The following CNTNAP2 variants were observed in gnomAD, a reference collection of about 807,000 sequenced individuals.
CNTNAP2 encodes the protein contactin-associated protein-like 2.
CNTNAP2 carries 98 observed loss-of-function variants against 155.2 expected under a neutral mutation model. That is an observed-to-expected ratio of 0.63 (90% confidence interval 0.54 to 0.75). The LOEUF (loss-of-function observed/expected upper bound fraction) is 0.75, where lower values mean the gene tolerates loss of function less well. Ranked by LOEUF, CNTNAP2 falls within the 30% of genes least tolerant of loss-of-function variation. The pLI is 0.00. For synonymous variants in CNTNAP2, 651 were observed against 631.2 expected (o/e 1.03, Z -0.47); for missense variants, 1,727 against 1,688.1 (o/e 1.02, Z -0.40).
intron 1 of CNTNAP2, among the ~76,000 whole-genome samples, chr7:146,482,124 A>G (rs1455591803): frequency 1.3e-5 from 2 of 150,582 alleles, no homozygotes; most frequent in African/African-American, 4.9e-5. Context: ...CAAGACTCCA[A>G]CCAAGATTCC....
chr7:148,330,900 TGGACGGATGGAG>T (rs1797986675), intron 21 of CNTNAP2, among the ~76,000 whole-genome samples: 2 of 93,710 alleles, frequency 2.1e-5, no homozygotes, highest in Non-Finnish European at 5.5e-5. Flanking sequence ...ATGGATGGAA[TGGACGGATGGAG>T]TGGATGGATG....
chr7:147,495,358 C>T (rs912557220), intron 11 of CNTNAP2, among the ~76,000 whole-genome samples: 1 of 152,140 alleles, frequency 6.6e-6, no homozygotes, highest in Admixed American at 6.5e-5. Flanking sequence ...TGGTGTAAAC[C>T]TTGGTAGCTT....
intron 17 of CNTNAP2, among the ~76,000 whole-genome samples, chr7:148,160,783 C>T (rs1213540054): frequency 6.6e-6 from 1 of 152,182 alleles, no homozygotes; most frequent in South Asian, 2.1e-4. Flanking sequence ...TTCTTACCTA[C>T]CCTGTTTAAA....
chr7:148,255,729 C>A (rs1436794020), intron 20 of CNTNAP2, among the ~76,000 whole-genome samples: 1 of 152,098 alleles, frequency 6.6e-6, no homozygotes, highest in African/African-American at 2.4e-5. Flanking sequence ...ACTTATTATA[C>A]CTCTCATTTT....
At chr7:146,593,961 T>C (rs1798821807) in intron 1 of CNTNAP2, among the ~76,000 whole-genome samples, 1 of 152,148 alleles carries the variant, frequency 6.6e-6, no homozygotes, top group African/African-American at 2.4e-5. Context: ...ACCATCAATA[T>C]CTAATTGGGT....
At chr7:147,841,445 G>C (rs1798729814) in intron 13 of CNTNAP2, among the ~76,000 whole-genome samples, 1 of 152,142 alleles carries the variant, frequency 6.6e-6, no homozygotes, top group African/African-American at 2.4e-5. Flanking sequence ...GACCGAGACT[G>C]AGATCTCAGT....
chr7:148,334,813 T>C (rs6975190), intron 21 of CNTNAP2, among the ~76,000 whole-genome samples: 78,266 of 152,104 alleles, frequency 0.51, 20,363 homozygotes, highest in East Asian at 0.66. Flanking sequence ...CCAGCAATCA[T>C]TGGGGGAGAC....
chr7:147,895,242 G>A (rs1799758890), intron 13 of CNTNAP2, among the ~76,000 whole-genome samples: 1 of 151,590 alleles, frequency 6.6e-6, no homozygotes, highest in Non-Finnish European at 1.5e-5. Flanking sequence ...CTAAAGTGTT[G>A]GGACTACAGG....
At chr7:147,549,025 A>G (rs963789004) in intron 11 of CNTNAP2, among the ~76,000 whole-genome samples, 7 of 152,092 alleles carry the variant, frequency 4.6e-5, no homozygotes, top group African/African-American at 1.7e-4. Context: ...GTATAGTTTG[A>G]AGTCAGATAG....
chr7:147,003,229 A>G (rs1798460590), intron 3 of CNTNAP2, among the ~76,000 whole-genome samples: 1 of 152,056 alleles, frequency 6.6e-6, no homozygotes, highest in African/African-American at 2.4e-5. Context: ...ATCAATTCCG[A>G]TAGAACTGAG....
intron 18 of CNTNAP2, among the ~76,000 whole-genome samples, chr7:148,210,329 G>A (rs541519686): frequency 6.6e-6 from 1 of 152,282 alleles, no homozygotes; most frequent in Non-Finnish European, 1.5e-5. Flanking sequence ...CTCATTTGCT[G>A]TCCCCAAAAC....
intron 5 of CNTNAP2, among the ~76,000 whole-genome samples, chr7:147,119,748 G>T (rs1030652954): frequency 6.6e-5 from 10 of 151,768 alleles, no homozygotes; most frequent in Admixed American, 1.3e-4. Context: ...GTGTGGGAGG[G>T]GAAAGAAAGG....
At chr7:147,772,672 C>T (rs1260992557) in intron 13 of CNTNAP2, among the ~76,000 whole-genome samples, 5 of 151,732 alleles carry the variant, frequency 3.3e-5, no homozygotes, top group African/African-American at 1.2e-4. Context: ...TGCCTTCTTT[C>T]TTCTCCATTG....
chr7:146,818,576 G>A (rs1182991537), intron 2 of CNTNAP2, among the ~76,000 whole-genome samples: 1 of 152,104 alleles, frequency 6.6e-6, no homozygotes, highest in African/African-American at 2.4e-5. Context: ...GGACTCATCA[G>A]AACTCAAACT....
intron 13 of CNTNAP2, among the ~76,000 whole-genome samples, chr7:147,806,701 A>G (rs1019164390): frequency 4.6e-5 from 7 of 152,202 alleles, no homozygotes; most frequent in African/African-American, 1.7e-4. Flanking sequence ...TTACAACAAT[A>G]TGGTTGGAAC....
At chr7:147,181,490 CTAAG>C (rs1330003349) in intron 8 of CNTNAP2, among the ~76,000 whole-genome samples, 6 of 152,106 alleles carry the variant, frequency 3.9e-5, no homozygotes, top group African/African-American at 1.2e-4. Flanking sequence ...GAAAAGTAAA[CTAAG>C]TATTACCTTT....
chr7:147,236,559 A>AT (rs768702613), intron 8 of CNTNAP2, among the ~76,000 whole-genome samples: 40 of 145,438 alleles, frequency 2.8e-4, no homozygotes, highest in Admixed American at 4.8e-4. Context: ...TATTCCTTCA[A>AT]TTTTTTTTTC....
chr7:147,876,080 T>A (rs1799415122), intron 13 of CNTNAP2, among the ~76,000 whole-genome samples: 1 of 152,216 alleles, frequency 6.6e-6, no homozygotes, highest in African/African-American at 2.4e-5. Context: ...AAGTTCCAAC[T>A]TATATAAAAG....
At chr7:147,118,488 G>A (rs917953690) in intron 5 of CNTNAP2, among the ~76,000 whole-genome samples, 1 of 152,174 alleles carries the variant, frequency 6.6e-6, no homozygotes, top group African/African-American at 2.4e-5. Flanking sequence ...GATACAAAAT[G>A]TATCAATCTA....
Sources: allele counts gnomAD v4.1 joint callset (sites outside exome capture counted in the v4.1 genomes callset), GRCh38; gene constraint gnomAD v4.1.1; transcripts MANE v1.5; gene names NCBI Gene and HGNC (gene_info 2026-07-23, HGNC 2026-07-21).